The following PTPRT variants were observed in gnomAD, a reference collection of about 807,000 sequenced individuals.
PTPRT encodes protein tyrosine phosphatase receptor type T.
In PTPRT, 56 loss-of-function variants were observed where a neutral mutation model predicts 176.8. The observed-to-expected ratio is 0.32, with a 90% CI of 0.26 to 0.40. PTPRT has a LOEUF of 0.40. PTPRT is among the 10% of genes least tolerant of loss of function. The probability of loss-of-function intolerance (pLI) is 1.00; values close to 1 mark genes in which losing one functional copy is unlikely to be tolerated. For missense variants in PTPRT, 1,540 were observed against 1,908.2 expected (o/e 0.81, Z 3.60); for synonymous variants, 783 against 739.0 (o/e 1.06, Z -0.96).
chr20:43,013,765 T>C (rs1985245440), intron 1 of PTPRT, among the ~76,000 whole-genome samples: 1 of 152,174 alleles, frequency 6.6e-6, no homozygotes, highest in Non-Finnish European at 1.5e-5. Context: ...CACTGTGCTA[T>C]CCCTGGGGAT....
chr20:42,341,845 C>G (rs143753659), intron 11 of PTPRT, among the ~76,000 whole-genome samples: 187 of 152,280 alleles, frequency 1.2e-3, no homozygotes, highest in African/African-American at 4.4e-3. Flanking sequence ...AACACTCTTT[C>G]GATCTTCATG....
At chr20:43,062,399 C>A (rs188566765) in intron 1 of PTPRT, among the ~76,000 whole-genome samples, 19 of 152,280 alleles carry the variant, frequency 1.2e-4, no homozygotes, top group South Asian at 1.0e-3. Context: ...GGAGATAATA[C>A]ATGCCAAACA....
chr20:43,071,669 C>T (rs935207199), intron 1 of PTPRT, among the ~76,000 whole-genome samples: 2 of 144,416 alleles, frequency 1.4e-5, no homozygotes, highest in African/African-American at 5.9e-5. Flanking sequence ...CCTGTAATCC[C>T]AGCTACTCGG....
intron 2 of PTPRT, among the ~76,000 whole-genome samples, chr20:42,807,863 A>G (rs772858876): frequency 2.0e-5 from 3 of 152,186 alleles, no homozygotes; most frequent in Non-Finnish European, 4.4e-5. Context: ...CAGAATAAAT[A>G]TTTTATTCTT....
intron 1 of PTPRT, among the ~76,000 whole-genome samples, chr20:43,076,476 T>C (rs2011282807): frequency 6.6e-6 from 1 of 152,058 alleles, no homozygotes; most frequent in Non-Finnish European, 1.5e-5. Flanking sequence ...TGAGCCTGCT[T>C]TTTACTTTGA....
intron 1 of PTPRT, among the ~76,000 whole-genome samples, chr20:42,936,730 T>C (rs1370192315): frequency 6.6e-6 from 1 of 152,166 alleles, no homozygotes; most frequent in Non-Finnish European, 1.5e-5. Context: ...GGATATATTT[T>C]GGAAGCACAG....
At chr20:42,417,180 T>C (rs566943366) in intron 9 of PTPRT, among the ~76,000 whole-genome samples, 1 of 152,276 alleles carries the variant, frequency 6.6e-6, no homozygotes, top group South Asian at 2.1e-4. Context: ...AAGTCTTGGA[T>C]TTTTGAGTAA....
chr20:42,603,015 T>C (rs1367905603), intron 7 of PTPRT, among the ~76,000 whole-genome samples: 1 of 152,154 alleles, frequency 6.6e-6, no homozygotes, highest in Non-Finnish European at 1.5e-5. Flanking sequence ...TCACTCCTCA[T>C]TCATTTATTC....
intron 2 of PTPRT, among the ~76,000 whole-genome samples, chr20:42,882,528 G>A (rs1187234164): frequency 1.3e-5 from 2 of 152,180 alleles, no homozygotes; most frequent in Non-Finnish European, 2.9e-5. Flanking sequence ...GGGAAGGATA[G>A]TAGCAAAGAG....
At chr20:42,138,470 C>T (rs1988476850) in intron 18 of PTPRT, among the ~76,000 whole-genome samples, 1 of 152,280 alleles carries the variant, frequency 6.6e-6, no homozygotes, top group South Asian at 2.1e-4. Flanking sequence ...CTGCACTATC[C>T]CTTGTAGTCT....
At chr20:42,489,194 T>C (rs1353339413) in intron 7 of PTPRT, among the ~76,000 whole-genome samples, 1 of 152,134 alleles carries the variant, frequency 6.6e-6, no homozygotes, top group African/African-American at 2.4e-5. Context: ...TTTTTTGAAA[T>C]GTCTCCCTAA....
chr20:42,953,278 C>T (rs989445679), intron 1 of PTPRT, among the ~76,000 whole-genome samples: 9 of 152,176 alleles, frequency 5.9e-5, no homozygotes, highest in Non-Finnish European at 4.4e-5. Context: ...TCTCAGCTAG[C>T]AGGTGCATAG....
rs186898049 is a variant in PTPRT, at chr20:42,345,954, T to C, written c.1865+4674A>G. On this transcript the variant is annotated intron_variant, in intron 11 of 30. Transcript: ENST00000373187. ...ATGCAATGGAAAACCAATGACCCAT[T>C]TAAGAATTTTAAGCAGGAAAGTTAA... is the stretch of plus-strand genomic sequence containing the variant. Among the ~76,000 whole-genome samples, 24 of 152,140 alleles carry C rather than the reference T, an allele frequency of 1.6e-4. No individual in the cohort carries two copies. In the East Asian group the frequency reaches 3.5e-3, roughly 22 times the overall value.
chr20:42,948,337 C>T (rs1189894057), intron 1 of PTPRT, among the ~76,000 whole-genome samples: 3 of 152,182 alleles, frequency 2.0e-5, no homozygotes, highest in Admixed American at 6.5e-5. Context: ...TAGGAACACC[C>T]GGTTCATCCT....
At chr20:42,125,576 A>G (rs1331865874) in intron 19 of PTPRT, among the ~76,000 whole-genome samples, 1 of 152,210 alleles carries the variant, frequency 6.6e-6, no homozygotes, top group African/African-American at 2.4e-5. Flanking sequence ...ACTGAAGTTC[A>G]GTTGTGTGAC....
intron 5 of PTPRT, among the ~76,000 whole-genome samples, chr20:42,762,427 A>G (rs2076927866): frequency 6.6e-6 from 1 of 152,194 alleles, no homozygotes; most frequent in Admixed American, 6.5e-5. Context: ...AAGTCCCTTA[A>G]TGGAAAGCAA....
chr20:42,041,498 G>C, the PTPRT span, among the ~76,000 whole-genome samples: 1 of 152,064 alleles, frequency 6.6e-6, no homozygotes, highest in African/African-American at 2.4e-5. Context: ...CTCTTGTCTA[G>C]ACATCCAGGA....
intron 7 of PTPRT, among the ~76,000 whole-genome samples, chr20:42,586,766 T>C (rs2073478212): frequency 6.6e-6 from 1 of 152,220 alleles, no homozygotes; most frequent in Non-Finnish European, 1.5e-5. Context: ...TGGTTTGTCA[T>C]TCATTTCTAC....
intron 2 of PTPRT, among the ~76,000 whole-genome samples, chr20:42,812,705 T>C (rs1207417819): frequency 6.6e-6 from 1 of 152,268 alleles, no homozygotes; most frequent in East Asian, 1.9e-4. Context: ...ACTAGACATG[T>C]TGCCTTGGGC....
Sources: gnomAD v4.1 joint callset for allele counts (sites outside exome capture counted in the v4.1 genomes callset) on GRCh38, gnomAD v4.1.1 for gene constraint, MANE v1.5 for transcripts, NCBI Gene and HGNC (gene_info 2026-07-23, HGNC 2026-07-21) for gene names.